The following APBA2 variants were observed in gnomAD, a reference collection of about 807,000 sequenced individuals.
APBA2 encodes amyloid-beta A4 precursor protein-binding family A member 2.
APBA2 carries 30 observed loss-of-function variants against 75.0 expected under a neutral mutation model. That is an observed-to-expected ratio of 0.40 (90% CI 0.30 to 0.54). APBA2 has a LOEUF of 0.54. Among genes scored for constraint, APBA2 ranks in the 20% least tolerant of loss-of-function variants. APBA2 has a pLI of 0.49. For missense variants in APBA2, 801 were observed against 1,016.1 expected, an observed-to-expected ratio of 0.79 and a Z score of 2.88; for synonymous variants, 444 against 409.6, an observed-to-expected ratio of 1.08 and a Z score of -1.01.
intron 2 of APBA2, among the ~76,000 whole-genome samples, chr15:28,980,617 C>T (rs1027832697): frequency 6.6e-6 from 1 of 152,130 alleles, no homozygotes; most frequent in South Asian, 2.1e-4. Flanking sequence ...ACCATACTGC[C>T]CAAAGCAATT....
In APBA2 at chr15:29,005,864, A is replaced by AAAAT. The variant is rs3054523; in HGVS notation, c.-41+10084_-41+10087dup. On this transcript the variant is annotated intron_variant, in intron 3 of 14. Transcript: ENST00000683413. ...GGGCAACAGAGCGAGACTCTGTCTC[A>AAAAT]AAATAAATAAATAAATAAATAAATA... Among the ~76,000 whole-genome samples the AAAAT allele has an allele frequency of 2.7e-3, 415 of 151,438 alleles. 3 individuals are homozygous for AAAAT. The highest frequency in any genetic ancestry group is 0.024 in the Middle Eastern group (7 of 294).
intron 1 of APBA2, among the ~76,000 whole-genome samples, chr15:28,893,215 A>C (rs1289991120): frequency 6.6e-6 from 1 of 152,118 alleles, no homozygotes; most frequent in African/African-American, 2.4e-5. Flanking sequence ...TCTGTGTCCC[A>C]TTCCTCACCA....
chr15:28,965,010 T>C (rs986326981), intron 2 of APBA2, among the ~76,000 whole-genome samples: 1 of 152,102 alleles, frequency 6.6e-6, no homozygotes, highest in Admixed American at 6.5e-5. Context: ...TTTATGGATA[T>C]TGTGTTTGGT....
chr15:28,897,741 T>C (rs1273523076), intron 1 of APBA2, among the ~76,000 whole-genome samples: 1 of 152,122 alleles, frequency 6.6e-6, no homozygotes, highest in African/African-American at 2.4e-5. Flanking sequence ...TGGGAAGCTT[T>C]TTTGTAGAAT....
In APBA2 at chr15:29,108,344, G is replaced by T. The variant is rs750207744; in HGVS notation, c.1992G>T (p.Arg664=). The change falls in exon 13 of 15, where the codon CGG becomes CGT. Residue 664 remains arginine, a synonymous_variant. Coordinates refer to ENST00000683413, the MANE Select transcript of APBA2 (RefSeq NM_001353788.2). ...CPPVTTVLIK[R]PDLKYQLGFS... The stretch of plus-strand genomic sequence containing the variant: ...CGGTCACCACGGTCCTTATCAAGCG[G>T]CCAGACCTCAAGTACCAGCTGGGCT... 1.2e-6 allele frequency: 2 copies of T among 1,614,112 alleles called. No individual in the cohort carries two copies. The highest frequency in any genetic ancestry group is 2.2e-5 in the South Asian group (2 of 91,088).
In APBA2 at chr15:28,945,868, T is replaced by C. The variant is rs569987454; in HGVS notation, c.-95+24119T>C. 2.6e-4 allele frequency among the ~76,000 whole-genome samples: 39 copies of C among 152,194 alleles called. No homozygotes were observed. The Middle Eastern group carries it at 0.01, about 40-fold the overall frequency. On this transcript the variant is annotated intron_variant, in intron 2 of 14. Transcript: ENST00000683413. ...GAAAACACACTCTCCACAGAGGAGA[T>C]CCTGTGTTTACAGCCGTCTTAGATA...
chr15:29,107,212 G>A (rs537312759), intron 12 of APBA2, among the ~76,000 whole-genome samples: 3 of 152,294 alleles, frequency 2.0e-5, no homozygotes, highest in African/African-American at 7.2e-5. Flanking sequence ...GGGCTGGGGA[G>A]GTGGGGCACC....
At chr15:29,036,085 G>A (rs999285262) in intron 3 of APBA2, among the ~76,000 whole-genome samples, 2 of 152,130 alleles carry the variant, frequency 1.3e-5, no homozygotes, top group East Asian at 3.9e-4. Context: ...AGAGGTGCCA[G>A]GGTTCATTGC....
intron 1 of APBA2, among the ~76,000 whole-genome samples, chr15:28,905,581 G>T (rs1293798584): frequency 6.6e-6 from 1 of 152,184 alleles, no homozygotes; most frequent in East Asian, 1.9e-4. Context: ...TGAGATGGAG[G>T]TGTTGCTATG....
In APBA2 at chr15:29,016,847, C is replaced by T. The variant is rs760933445; in HGVS notation, c.-41+21041C>T. 3.3e-5 allele frequency among the ~76,000 whole-genome samples: 5 copies of T among 152,158 alleles called. No homozygotes were observed. In the South Asian group the frequency reaches 1.0e-3, roughly 32 times the overall value. ...TGCTCCTCTGTCTCCGTTTCTCTCT[C>T]CCTGCATTTTGTCTCTTTCTATTCC... On this transcript the variant is annotated intron_variant, in intron 3 of 14. Transcript: ENST00000683413.
At chr15:29,000,663 G>T (rs544299783) in intron 3 of APBA2, among the ~76,000 whole-genome samples, 18 of 151,674 alleles carry the variant, frequency 1.2e-4, no homozygotes, top group Non-Finnish European at 1.5e-5. Flanking sequence ...TGATCATGGC[G>T]CACTGCAACC....
intron 3 of APBA2, among the ~76,000 whole-genome samples, chr15:29,032,457 C>T (rs546634216): frequency 1.2e-4 from 18 of 152,334 alleles, no homozygotes; most frequent in Middle Eastern, 6.8e-3. Flanking sequence ...CCCAGCCTGC[C>T]GGCCTGCCCT....
intron 2 of APBA2, among the ~76,000 whole-genome samples, chr15:28,961,030 A>G (rs2036442050): frequency 6.6e-6 from 1 of 152,100 alleles, no homozygotes; most frequent in South Asian, 2.1e-4. Flanking sequence ...GAGTGCTGGG[A>G]TTACAGGCGT....
rs114551347 is a variant in APBA2 at position 28,993,223 on chromosome 15, T to C, written c.-94-2530T>C. On this transcript the variant is annotated intron_variant, in intron 2 of 14. Transcript: ENST00000683413. ...CAGGGACTTCCCGGCTCTCGTGACC[T>C]TGCTGGGCATGACTTTCAGGGGAGC... is the stretch of plus-strand genomic sequence containing the variant. 5.0e-3 allele frequency among the ~76,000 whole-genome samples: 768 copies of C among 152,328 alleles called. 8 individuals carry two copies. The highest frequency in any genetic ancestry group is 0.035 in the South Asian group (167 of 4,830).
intron 4 of APBA2, among the ~76,000 whole-genome samples, chr15:29,057,035 G>T (rs1197116394): frequency 6.6e-6 from 1 of 152,112 alleles, no homozygotes; most frequent in East Asian, 1.9e-4. Context: ...GCCAACAAAG[G>T]CCTGGCCTCA....
At position 29,053,905 on chromosome 15, in the gene APBA2, G is replaced by A; in HGVS notation, c.21G>A (p.Glu7=). The part of the protein sequence containing the change: MAHRKL[E]SVGSGMLDHR... ...CTGCCATGGCCCACCGGAAGCTTGA[G>A]AGCGTGGGGAGCGGCATGTTGGACC... The change falls in exon 4 of 15, where the codon GAG becomes GAA. Residue 7 remains glutamate (E), a synonymous_variant. Transcript: ENST00000683413. 3 of 1,612,348 alleles carry A rather than the reference G, an allele frequency of 1.9e-6. No homozygotes were observed. Among genetic ancestry groups the A allele is most frequent in the South Asian group, 2.2e-5 (2 of 91,052 alleles).
At chr15:28,994,483 G>A (rs535888148) in intron 2 of APBA2, among the ~76,000 whole-genome samples, 2 of 152,276 alleles carry the variant, frequency 1.3e-5, no homozygotes, top group African/African-American at 2.4e-5. Context: ...TGGAACAACG[G>A]TGCAAACAGC....
intron 4 of APBA2, among the ~76,000 whole-genome samples, chr15:29,057,322 T>A (rs1166634615): frequency 6.6e-6 from 1 of 152,192 alleles, no homozygotes; most frequent in African/African-American, 2.4e-5. Context: ...GGAGACTCAC[T>A]TGGAGGAAAT....
At chr15:28,931,033 G>A (rs1024783926) in intron 2 of APBA2, among the ~76,000 whole-genome samples, 3 of 152,200 alleles carry the variant, frequency 2.0e-5, no homozygotes, top group Admixed American at 1.3e-4. Context: ...TTGGGGACTC[G>A]GTACAGCTAT....
Sources: allele counts gnomAD v4.1 joint callset (sites outside exome capture counted in the v4.1 genomes callset), GRCh38; gene constraint gnomAD v4.1.1; transcripts MANE v1.5; gene names NCBI Gene and HGNC (gene_info 2026-07-23, HGNC 2026-07-21).